Variants in FMN1 observed in about 807,000 individuals in gnomAD.
FMN1 encodes the protein formin-1.
A neutral mutation model predicts 132.4 loss-of-function variants in FMN1; 110 were observed. The observed-to-expected ratio is 0.83, with a 90% CI of 0.71 to 0.97. The LOEUF is 0.97. FMN1 is among the 50% of genes least tolerant of loss of function. The probability of loss-of-function intolerance (pLI) is 0.00; values close to 1 mark genes in which losing one functional copy is unlikely to be tolerated. For missense variants in FMN1, 1,792 were observed against 1,705.3 expected (o/e 1.05, Z -0.90); for synonymous variants, 722 against 651.7 (o/e 1.11, Z -1.64).
chr15:32,910,620 C>T, intron 10 of FMN1, 85 bp from the exon 11 acceptor site: 1 of 999,018 alleles, frequency 1.0e-6, no homozygotes, highest in South Asian at 1.4e-5. Flanking sequence ...AGCTTCCAAG[C>T]AATTAACAGA....
At chr15:32,943,444 G>A (rs2061440086) in intron 9 of FMN1, among the ~76,000 whole-genome samples, 1 of 152,204 alleles carries the variant, frequency 6.6e-6, no homozygotes, top group South Asian at 2.1e-4. Flanking sequence ...TAAGAGGCTG[G>A]TTGGTAAAAA....
rs910615972 is a variant in FMN1, at chr15:33,079,231, T to C, written c.2043+9568A>G. Among the ~76,000 whole-genome samples the C allele has an allele frequency of 2.0e-4, 30 of 152,288 alleles. No homozygotes were observed. In the East Asian group the frequency reaches 5.4e-3, roughly 27 times the overall value. On this transcript the variant is annotated intron_variant, in intron 5 of 20. Coordinates refer to ENST00000616417, the MANE Select transcript of FMN1 (RefSeq NM_001277313.2). ...AATAGGAGACGAAGAAATAAGAATGTGTGTTATCAAGATCAAAGAAAAGCA... is the reference window on the plus strand; with the variant it reads ...AATAGGAGACGAAGAAATAAGAATGCGTGTTATCAAGATCAAAGAAAAGCA...
At chr15:32,906,566 A>T (rs1232913732) in intron 12 of FMN1, among the ~76,000 whole-genome samples, 1 of 152,176 alleles carries the variant, frequency 6.6e-6, no homozygotes, top group Non-Finnish European at 1.5e-5. Flanking sequence ...GGCTTAGAGG[A>T]GAATATTACT....
chr15:32,900,525 GACTATTTATC>G (rs1394359063), intron 13 of FMN1, among the ~76,000 whole-genome samples: 5 of 152,132 alleles, frequency 3.3e-5, no homozygotes, highest in African/African-American at 1.2e-4. Flanking sequence ...TGTATTTCAG[GACTATTTATC>G]TAGATAACCA....
intron 6 of FMN1, chr15:33,012,890 G>A: frequency 1.7e-6 from 1 of 575,390 alleles, no homozygotes; most frequent in South Asian, 1.4e-5. Context: ...GGTGGTGGAA[G>A]CTACAATGAT....
Position 33,146,452 on chromosome 15 carries a change from G to C in FMN1, c.1867+6596C>G, listed in dbSNP as rs183480460. Among the ~76,000 whole-genome samples, 36 of 152,140 alleles carry C rather than the reference G, an allele frequency of 2.4e-4. 1 individual carries two copies. Among genetic ancestry groups the C allele is most frequent in the Admixed American group, 1.6e-3 (25 of 15,284 alleles). The stretch of plus-strand genomic sequence containing the variant: ...GTTCCAGGACCCCTCAAATCCGTCT[G>C]TATCCCATACATCTCTGAATTCCAA... On this transcript the variant is annotated intron_variant, in intron 4 of 20. Transcript: ENST00000616417.
At chr15:32,848,990 T>G (rs866282190) in intron 17 of FMN1, among the ~76,000 whole-genome samples, 2 of 136,972 alleles carry the variant, frequency 1.5e-5, no homozygotes, top group East Asian at 2.1e-4. Flanking sequence ...TTTTTTTTTT[T>G]TTTTTTTTTC....
intron 17 of FMN1, among the ~76,000 whole-genome samples, chr15:32,850,064 G>C (rs1167970454): frequency 1.3e-5 from 2 of 152,168 alleles, no homozygotes; most frequent in Non-Finnish European, 2.9e-5. Flanking sequence ...TTGGAACCAC[G>C]CCTGTCGGTA....
At chr15:33,121,381 T>A (rs1389047080) in intron 4 of FMN1, among the ~76,000 whole-genome samples, 1 of 152,230 alleles carries the variant, frequency 6.6e-6, no homozygotes, top group African/African-American at 2.4e-5. Context: ...GTTTACAATG[T>A]TCTGGACTGT....
intron 4 of FMN1, among the ~76,000 whole-genome samples, chr15:33,093,306 G>A (rs1566908835): frequency 2.0e-5 from 3 of 152,318 alleles, no homozygotes; most frequent in Middle Eastern, 3.4e-3. Context: ...TTTCTCAGCC[G>A]TGAATATCAG....
rs112577499 is a variant in FMN1, at chr15:33,059,203, T to A, written c.2161+5754A>T. 5.2e-3 allele frequency among the ~76,000 whole-genome samples: 792 copies of A among 152,318 alleles called. 6 individuals are homozygous for A. The highest frequency in any genetic ancestry group is 0.017 in the African/African-American group (693 of 41,570). ...ATAAGGTCCTCCTGATACATCCACA[T>A]TGGCACAACTGAGAGAATTCCCCCC... On this transcript the variant is annotated intron_variant, in intron 6 of 20. Coordinates refer to ENST00000616417, the MANE Select transcript of FMN1 (RefSeq NM_001277313.2).
At chr15:33,129,787 AT>A (rs61564380) in intron 4 of FMN1, among the ~76,000 whole-genome samples, 2,759 of 121,686 alleles carry the variant, frequency 0.023, 22 homozygotes, top group African/African-American at 0.024. Context: ...TTGACTAGCA[AT>A]TTTTTTTTTT....
chr15:33,049,597 T>G (rs1016508652), intron 6 of FMN1, among the ~76,000 whole-genome samples: 2 of 152,222 alleles, frequency 1.3e-5, no homozygotes, highest in Non-Finnish European at 2.9e-5. Context: ...TAAATCAAGT[T>G]TAGTCTAAAG....
intron 17 of FMN1, among the ~76,000 whole-genome samples, chr15:32,821,696 T>A (rs113594283): frequency 0.029 from 4,356 of 152,056 alleles, 107 homozygotes; most frequent in African/African-American, 0.062. Flanking sequence ...ATGATCCACC[T>A]GCCTCAGCCT....
At chr15:32,783,073 T>A (rs990587984) in intron 19 of FMN1, among the ~76,000 whole-genome samples, 1 of 151,812 alleles carries the variant, frequency 6.6e-6, no homozygotes, top group Non-Finnish European at 1.5e-5. Flanking sequence ...ATGGATACAG[T>A]AGAAGCCCAA....
chr15:32,871,160 A>G (rs1222602951), intron 16 of FMN1, among the ~76,000 whole-genome samples: 1 of 152,162 alleles, frequency 6.6e-6, no homozygotes, highest in Non-Finnish European at 1.5e-5. Flanking sequence ...TAACTTCTAA[A>G]AAGTATTAGG....
intron 6 of FMN1, among the ~76,000 whole-genome samples, chr15:33,010,654 C>T (rs1444699711): frequency 1.3e-5 from 2 of 152,020 alleles, no homozygotes; most frequent in Non-Finnish European, 2.9e-5. Context: ...AGGTATTATT[C>T]TCTATGTTCA....
chr15:33,075,008 A>C (rs988814111), intron 5 of FMN1, among the ~76,000 whole-genome samples: 16 of 130,664 alleles, frequency 1.2e-4, no homozygotes, highest in African/African-American at 4.5e-4. Context: ...GCAACTGAGC[A>C]AGATTCCATC....
intron 4 of FMN1, among the ~76,000 whole-genome samples, chr15:33,099,531 G>A (rs1040421580): frequency 6.6e-6 from 1 of 152,168 alleles, no homozygotes; most frequent in Non-Finnish European, 1.5e-5. Context: ...ACTCCTTTCA[G>A]AATGTATCAT....
Sources: allele counts gnomAD v4.1 joint callset (sites outside exome capture counted in the v4.1 genomes callset), GRCh38; gene constraint gnomAD v4.1.1; transcripts MANE v1.5; gene names NCBI Gene and HGNC (gene_info 2026-07-23, HGNC 2026-07-21).